PYGO1: variants seen among roughly 807,000 people sequenced by gnomAD.
PYGO1 encodes pygopus family PHD finger 1.
In PYGO1, 6 loss-of-function variants were observed where a neutral mutation model predicts 29.5. That is an observed-to-expected ratio of 0.20 (90% CI 0.11 to 0.40). The LOEUF (loss-of-function observed/expected upper bound fraction) is 0.40, where lower values mean the gene tolerates loss of function less well. Among genes scored for constraint, PYGO1 ranks in the 10% least tolerant of loss-of-function variants. The pLI is 1.00. For synonymous variants in PYGO1, 186 were observed against 180.5 expected (o/e 1.03, Z -0.24); for missense variants, 515 against 514.9 (o/e 1.00, Z 0.00).
Position 55,544,957 on chromosome 15 carries a change from G to C in PYGO1, c.*1066C>G, listed in dbSNP as rs2058843220. On this transcript the variant is annotated 3_prime_UTR_variant, in exon 3 of 3. Transcript: ENST00000563719. ...AGAGCGGGAATTCCTTAAGTCTGCT[G>C]CAAGGCTTCAAATTGTTGTTTGCAA... is the stretch of plus-strand genomic sequence containing the variant. 6.6e-6 allele frequency: 1 copy of C among 152,166 alleles called. No homozygotes were observed. Among genetic ancestry groups the C allele is most frequent in the African/African-American group, 2.4e-5 (1 of 41,432 alleles). 9.4% of individuals were successfully genotyped at this position (152,166 alleles called of 1,614,324 possible).
intron 2 of PYGO1, among the ~76,000 whole-genome samples, chr15:55,547,976 A>G (rs1296528913): frequency 2.6e-5 from 4 of 152,244 alleles, no homozygotes; most frequent in African/African-American, 9.6e-5. Flanking sequence ...GCAGGCATTC[A>G]TGCCCTTTAA....
At position 55,540,265 on chromosome 15, in the gene PYGO1, G is replaced by A. The variant is rs957588341; in HGVS notation, c.*5758C>T. On this transcript the variant is annotated 3_prime_UTR_variant, in exon 3 of 3. Coordinates refer to ENST00000563719, the MANE Select transcript of PYGO1 (RefSeq NM_001367806.1). The stretch of plus-strand genomic sequence containing the variant: ...TCCAGGTAAATTAGAGGAGTCTTAC[G>A]GTATCTTAATCATGTCTAAATAAAT... The A allele has an allele frequency of 6.6e-6, 1 of 151,898 alleles. No individual in the cohort carries two copies. The highest frequency in any genetic ancestry group is 1.5e-5 in the Non-Finnish European group (1 of 67,918). The allele number at this position is 151,898 out of a possible 1,614,324, so 9.4% of individuals were successfully genotyped here.
intron 1 of PYGO1, among the ~76,000 whole-genome samples, chr15:55,577,435 C>T (rs775424429): frequency 3.3e-5 from 5 of 152,134 alleles, no homozygotes; most frequent in Non-Finnish European, 7.4e-5. Context: ...CATGCTTAAC[C>T]TTGGCAAAAT....
At position 55,540,007 on chromosome 15, in the gene PYGO1, T is replaced by C. The variant is rs932929830; in HGVS notation, c.*6016A>G. The C allele has an allele frequency of 3.3e-5, 5 of 152,106 alleles. No individual in the cohort carries two copies. Among genetic ancestry groups the C allele is most frequent in the African/African-American group, 4.8e-5 (2 of 41,456 alleles). 9.4% of individuals were successfully genotyped at this position (152,106 alleles called of 1,614,324 possible). ...ATGATTTCAAATGTACAAATTTGCA[T>C]TGGCCAAGTATTACTTATTACAATT... On this transcript the variant is annotated 3_prime_UTR_variant, in exon 3 of 3. Transcript: ENST00000563719.
At chr15:55,555,104 CAGAG>C (rs887887730) in intron 1 of PYGO1, among the ~76,000 whole-genome samples, 2 of 151,942 alleles carry the variant, frequency 1.3e-5, no homozygotes, top group African/African-American at 4.8e-5. Context: ...TATGGGCTGC[CAGAG>C]AGAAAGGCCA....
At chr15:55,571,004 T>G (rs922466222) in intron 1 of PYGO1, among the ~76,000 whole-genome samples, 1 of 152,166 alleles carries the variant, frequency 6.6e-6, no homozygotes, top group African/African-American at 2.4e-5. Context: ...ACTATATCCA[T>G]CAAGCAACAA....
intron 2 of PYGO1, among the ~76,000 whole-genome samples, chr15:55,548,049 T>G (rs2058860469): frequency 6.6e-6 from 1 of 152,142 alleles, no homozygotes; most frequent in South Asian, 2.1e-4. Context: ...AGACAGAGTC[T>G]CACGCTGTCA....
At chr15:55,569,829 C>T (rs556285445) in intron 1 of PYGO1, among the ~76,000 whole-genome samples, 1 of 152,310 alleles carries the variant, frequency 6.6e-6, no homozygotes, top group East Asian at 1.9e-4. Context: ...TACCACTCCA[C>T]AGCAGGCACT....
In PYGO1 at chr15:55,547,164, A is replaced by C. The variant is rs763060953; in HGVS notation, c.136-17T>G. 4 of 1,560,098 alleles carry C rather than the reference A, an allele frequency of 2.6e-6. No homozygotes were observed. The South Asian group carries it at 4.7e-5, about 18-fold the overall frequency. Reference sequence around the variant, plus strand: ...AGAAGGTCCCTGAAATGAGAATGTAAAGTAAAATACATGTTTTCGATCAAA... The same window carrying C: ...AGAAGGTCCCTGAAATGAGAATGTACAGTAAAATACATGTTTTCGATCAAA... On this transcript the variant is annotated splice_polypyrimidine_tract_variant and intron_variant, in intron 2 of 2. Coordinates refer to ENST00000563719, the MANE Select transcript of PYGO1 (RefSeq NM_001367806.1).
chr15:55,558,811 T>C (rs2141656831), intron 1 of PYGO1, among the ~76,000 whole-genome samples: 1 of 152,066 alleles, frequency 6.6e-6, no homozygotes, highest in South Asian at 2.1e-4. Flanking sequence ...ATCCCTTCCT[T>C]ACACCTTATA....
chr15:55,572,509 A>T (rs1431825846), intron 1 of PYGO1, among the ~76,000 whole-genome samples: 1 of 152,196 alleles, frequency 6.6e-6, no homozygotes, highest in African/African-American at 2.4e-5. Context: ...GATTTTTGGG[A>T]TATGACCAAA....
intron 1 of PYGO1, 71 bp from the exon 2 acceptor site, chr15:55,549,066 C>A: frequency 5.2e-6 from 6 of 1,149,836 alleles, no homozygotes; most frequent in South Asian, 1.5e-5. Context: ...ATAGTAATAT[C>A]TATTATATTT....
rs2058829282 is a variant in PYGO1 at position 55,541,901 on chromosome 15, A to T, written c.*4122T>A. 1 of 152,180 alleles carries T rather than the reference A, an allele frequency of 6.6e-6. No individual in the cohort carries two copies. The highest frequency in any genetic ancestry group is 1.5e-5 in the Non-Finnish European group (1 of 68,022). 9.4% of individuals were successfully genotyped at this position (152,180 alleles called of 1,614,324 possible). On this transcript the variant is annotated 3_prime_UTR_variant, in exon 3 of 3. Coordinates refer to ENST00000563719, the MANE Select transcript of PYGO1 (RefSeq NM_001367806.1). ...ACTGAGAGTTCAGCATGATACTATT[A>T]ACTAGATTATGGTCTAAATGAGCCT...
Position 55,587,755 on chromosome 15 carries a change from T to C in PYGO1, c.49+80A>G, listed in dbSNP as rs915902904. The C allele has an allele frequency of 3.6e-5, 51 of 1,428,250 alleles. No homozygotes were observed. The African/African-American group carries it at 5.5e-4, about 15-fold the overall frequency. The allele number at this position is 1,428,250 out of a possible 1,614,324, so 88.5% of individuals were successfully genotyped here. A position where few individuals can be genotyped will look rare whatever the true frequency, so the allele number is the denominator to read the frequency against. On this transcript the variant is annotated intron_variant, in intron 1 of 2. Coordinates refer to ENST00000563719, the MANE Select transcript of PYGO1 (RefSeq NM_001367806.1). ...GGACTTAGGCCCGGACAGAGCCCCA[T>C]GGCCTCCCGGCGGCCGGGCACGGGG... is the stretch of plus-strand genomic sequence containing the variant.
At chr15:55,580,735 G>C (rs2059021734) in intron 1 of PYGO1, among the ~76,000 whole-genome samples, 1 of 152,154 alleles carries the variant, frequency 6.6e-6, no homozygotes, top group African/African-American at 2.4e-5. Context: ...CATCTACAGA[G>C]ATTAGGGATA....
chr15:55,542,353 T>A lies in PYGO1; in HGVS notation c.*3670A>T, dbSNP rs2058831302. Reference sequence around the variant, plus strand: ...ACCAAAAAAGTAGATTTCTTTACACTGTGTTTATGAAGAATAAGCACTAGT... The same window carrying A: ...ACCAAAAAAGTAGATTTCTTTACACAGTGTTTATGAAGAATAAGCACTAGT... On this transcript the variant is annotated 3_prime_UTR_variant, in exon 3 of 3. Transcript: ENST00000563719. 6.6e-6 allele frequency: 1 copy of A among 152,236 alleles called. No homozygotes were observed. The allele number at this position is 152,236 out of a possible 1,614,324, so 9.4% of individuals were successfully genotyped here.
At chr15:55,582,759 G>A (rs1039416865) in intron 1 of PYGO1, among the ~76,000 whole-genome samples, 1 of 152,186 alleles carries the variant, frequency 6.6e-6, no homozygotes, top group East Asian at 1.9e-4. Flanking sequence ...TCACTTTCCT[G>A]ATAATCTGCC....
rs2058846695 is a variant in PYGO1, at chr15:55,545,765, G to A, written c.*258C>T. 4 of 318,956 alleles carry A rather than the reference G, an allele frequency of 1.3e-5. No individual in the cohort carries two copies. The highest frequency in any genetic ancestry group is 2.3e-5 in the Non-Finnish European group (4 of 176,652). The allele number at this position is 318,956 out of a possible 1,614,324, so 19.8% of individuals were successfully genotyped here. A position where few individuals can be genotyped will look rare whatever the true frequency, so the allele number is the denominator to read the frequency against. ...TATATATTATTTTGAAGTTTCAAGA[G>A]GCTTTTATGTTTGTGATAAATAACA... On this transcript the variant is annotated 3_prime_UTR_variant, in exon 3 of 3. Transcript: ENST00000563719.
rs1291443114 is a variant in PYGO1 at position 55,546,787 on chromosome 15, T to C, written c.496A>G (p.Ser166Gly). The C allele has an allele frequency of 6.2e-7, 1 of 1,614,082 alleles. No homozygotes were observed. The highest frequency in any genetic ancestry group is 8.5e-7 in the Non-Finnish European group (1 of 1,179,962). The change falls in exon 3 of 3, where the codon AGT becomes GGT. Residue 166 changes from serine (S) to glycine (G), a missense_variant. Physicochemically the swap from Ser to Gly is moderately conservative, Grantham distance 56. Coordinates refer to ENST00000563719, the MANE Select transcript of PYGO1 (RefSeq NM_001367806.1). ...FGNPSYNNAL[S>G]QNVNMPNQHF... Reference sequence around the variant, plus strand: ...TGATTAGGCATGTTGACATTCTGACTTAGTGCATTATTATAAGATGGATTA... The same window carrying C: ...TGATTAGGCATGTTGACATTCTGACCTAGTGCATTATTATAAGATGGATTA...
Sources: gnomAD v4.1 joint callset for allele counts (sites outside exome capture counted in the v4.1 genomes callset) on GRCh38, gnomAD v4.1.1 for gene constraint, MANE v1.5 for transcripts, NCBI Gene and HGNC (gene_info 2026-07-23, HGNC 2026-07-21) for gene names.